The following RIMS2 variants were observed in gnomAD, a reference collection of about 807,000 sequenced individuals.
RIMS2 encodes regulating synaptic membrane exocytosis protein 2.
In RIMS2, 59 loss-of-function variants were observed where a neutral mutation model predicts 174.4. The observed-to-expected ratio is 0.34, with a 90% CI of 0.27 to 0.42. The LOEUF (loss-of-function observed/expected upper bound fraction) is 0.42. RIMS2 is among the 10% of genes least tolerant of loss of function. RIMS2 has a pLI of 1.00. For missense variants in RIMS2, 1,620 were observed against 1,666.3 expected (o/e 0.97, Z 0.48); for synonymous variants, 606 against 572.5 (o/e 1.06, Z -0.84).
chr8:103,544,675 G>A (rs1454326101), intron 1 of RIMS2, among the ~76,000 whole-genome samples: 1 of 152,222 alleles, frequency 6.6e-6, no homozygotes, highest in Admixed American at 6.5e-5. Flanking sequence ...GGTTAAGGTG[G>A]CAAAGATATG....
At chr8:104,242,189 A>G (rs1301446587) in intron 19 of RIMS2, among the ~76,000 whole-genome samples, 1 of 151,690 alleles carries the variant, frequency 6.6e-6, no homozygotes, top group African/African-American at 2.4e-5. Context: ...TTTTTGAAAC[A>G]TATATGTGCA....
intron 1 of RIMS2, among the ~76,000 whole-genome samples, chr8:103,654,492 T>A (rs999119761): frequency 2.0e-5 from 3 of 152,112 alleles, no homozygotes; most frequent in African/African-American, 7.2e-5. Flanking sequence ...TCTTGCTCTG[T>A]GATTTATGTA....
At chr8:103,557,772 C>A (rs909775533) in intron 1 of RIMS2, among the ~76,000 whole-genome samples, 10 of 152,018 alleles carry the variant, frequency 6.6e-5, no homozygotes, top group Non-Finnish European at 1.3e-4. Context: ...AAATTGTAAC[C>A]TTTTCAGTTA....
chr8:103,963,233 A>T, intron 15 of RIMS2, among the ~76,000 whole-genome samples: 1 of 152,248 alleles, frequency 6.6e-6, no homozygotes, highest in African/African-American at 2.4e-5. Flanking sequence ...CAGATGTGAA[A>T]TGCAATGTAT....
At chr8:104,100,423 A>G (rs1210188322) in intron 19 of RIMS2, among the ~76,000 whole-genome samples, 1 of 151,980 alleles carries the variant, frequency 6.6e-6, no homozygotes, top group Non-Finnish European at 1.5e-5. Context: ...TTCAATCTGA[A>G]TCCCTTTTAT....
chr8:103,708,449 CTTG>C (rs2097260934), intron 2 of RIMS2, among the ~76,000 whole-genome samples: 2 of 152,070 alleles, frequency 1.3e-5, no homozygotes, highest in African/African-American at 4.8e-5. Flanking sequence ...TGCATCTTTT[CTTG>C]TTATTACGCT....
At chr8:103,810,567 A>C (rs13439878) in intron 3 of RIMS2, among the ~76,000 whole-genome samples, 76 of 148,994 alleles carry the variant, frequency 5.1e-4, no homozygotes, top group African/African-American at 1.6e-3. Context: ...TTTTTTCTTC[A>C]GTATTGAACC....
intron 19 of RIMS2, among the ~76,000 whole-genome samples, chr8:104,104,319 C>CAGTGTGTCTTGA (rs1242620599): frequency 2.0e-5 from 3 of 152,172 alleles, no homozygotes; most frequent in Non-Finnish European, 4.4e-5. Context: ...GAGACACCAG[C>CAGTGTGTCTTGA]ATGAGAGAGC....
At chr8:103,694,784 G>C (rs2097078573) in intron 1 of RIMS2, among the ~76,000 whole-genome samples, 2 of 152,172 alleles carry the variant, frequency 1.3e-5, no homozygotes, top group African/African-American at 4.8e-5. Flanking sequence ...CCTGATACTG[G>C]GTTGTGCCTG....
At chr8:103,836,317 C>G (rs1262681311) in intron 3 of RIMS2, among the ~76,000 whole-genome samples, 1 of 152,188 alleles carries the variant, frequency 6.6e-6, no homozygotes, top group South Asian at 2.1e-4. Context: ...TTGGGAAACC[C>G]GGGCAGCAGG....
At chr8:104,097,698 A>C (rs1250986303) in intron 19 of RIMS2, among the ~76,000 whole-genome samples, 1 of 152,022 alleles carries the variant, frequency 6.6e-6, no homozygotes, top group Non-Finnish European at 1.5e-5. Context: ...TGTGGCACTC[A>C]GAAAGTTTTG....
chr8:103,833,682 C>A (rs1418556631), intron 3 of RIMS2, among the ~76,000 whole-genome samples: 1 of 151,832 alleles, frequency 6.6e-6, no homozygotes, highest in Non-Finnish European at 1.5e-5. Context: ...ATATTTTGTT[C>A]TAAAATTTCC....
chr8:103,983,107 A>G (rs1363949985), intron 16 of RIMS2, among the ~76,000 whole-genome samples: 1 of 152,208 alleles, frequency 6.6e-6, no homozygotes, highest in Non-Finnish European at 1.5e-5. Flanking sequence ...AACAGTGAAC[A>G]ATCTGAAAAA....
chr8:104,078,949 ATGC>A (rs903904294), intron 19 of RIMS2, among the ~76,000 whole-genome samples: 51 of 152,344 alleles, frequency 3.3e-4, no homozygotes, highest in African/African-American at 1.2e-3. Flanking sequence ...CCATAATTTT[ATGC>A]TGATATTCAA....
chr8:103,755,689 G>T (rs2139936850), intron 2 of RIMS2, among the ~76,000 whole-genome samples: 1 of 152,092 alleles, frequency 6.6e-6, no homozygotes, highest in South Asian at 2.1e-4. Flanking sequence ...TTCAATCTCT[G>T]ATATCCTTTC....
intron 19 of RIMS2, among the ~76,000 whole-genome samples, chr8:104,155,781 T>A (rs1469159586): frequency 2.6e-5 from 4 of 152,150 alleles, no homozygotes; most frequent in African/African-American, 9.7e-5. Context: ...ATTCTTGCGA[T>A]GAAACTGTGG....
At chr8:103,901,041 C>T in intron 4 of RIMS2, among the ~76,000 whole-genome samples, 1 of 152,106 alleles carries the variant, frequency 6.6e-6, no homozygotes, top group East Asian at 1.9e-4. Flanking sequence ...CCACTCCTAC[C>T]TTGACACTCA....
chr8:103,915,993 G>A (rs2076567009), intron 7 of RIMS2, among the ~76,000 whole-genome samples: 1 of 151,810 alleles, frequency 6.6e-6, no homozygotes, highest in Non-Finnish European at 1.5e-5. Flanking sequence ...ACCTTAAAGA[G>A]GATTTGATAA....
At chr8:103,559,129 C>T in intron 1 of RIMS2, 1 of 150,572 alleles carries the variant, frequency 6.6e-6, no homozygotes, top group Non-Finnish European at 1.3e-5. Flanking sequence ...TCATCAGCTG[C>T]CCATTTGCCC....
Sources: gnomAD v4.1 joint callset for allele counts (sites outside exome capture counted in the v4.1 genomes callset) on GRCh38, gnomAD v4.1.1 for gene constraint, MANE v1.5 for transcripts, NCBI Gene and HGNC (gene_info 2026-07-23, HGNC 2026-07-21) for gene names.